Variants in FBN2 observed in about 807,000 individuals in gnomAD.
FBN2 encodes the protein fibrillin-2.
A neutral mutation model predicts 355.6 loss-of-function variants in FBN2; 105 were observed. The observed-to-expected ratio is 0.30, with a 90% CI of 0.25 to 0.35. The LOEUF (loss-of-function observed/expected upper bound fraction) is 0.35. FBN2 is among the 10% of genes least tolerant of loss of function. The pLI is 1.00. For missense variants in FBN2, 3,280 were observed against 3,758.7 expected, an observed-to-expected ratio of 0.87 and a Z score of 3.33; for synonymous variants, 1,350 against 1,301.2, an observed-to-expected ratio of 1.04 and a Z score of -0.81.
At chr5:128,534,766 C>A (rs1285866747) in intron 2 of FBN2, among the ~76,000 whole-genome samples, 1 of 152,220 alleles carries the variant, frequency 6.6e-6, no homozygotes, top group Admixed American at 6.5e-5. Flanking sequence ...GCTCTGCTCT[C>A]TGGAATTCCC....
intron 59 of FBN2, 118 bp from the exon 60 acceptor site, chr5:128,274,801 T>C (rs1581180430): frequency 1.3e-6 from 1 of 751,594 alleles, no homozygotes; most frequent in East Asian, 2.6e-5. Context: ...AGATTTTTGC[T>C]GGAAGCTTCG....
chr5:128,446,126 T>C (rs1754057945), intron 7 of FBN2: 1 of 252,392 alleles, frequency 4.0e-6, no homozygotes, highest in South Asian at 5.1e-5. Context: ...CACATGATAC[T>C]GTATTTCACT....
intron 10 of FBN2, among the ~76,000 whole-genome samples, chr5:128,392,544 C>T (rs1250435910): frequency 6.6e-6 from 1 of 152,162 alleles, no homozygotes; most frequent in Non-Finnish European, 1.5e-5. Flanking sequence ...CAAGAGAGGG[C>T]TTTTAAAAAG....
chr5:128,331,809 A>T (rs1178333272), intron 32 of FBN2, among the ~76,000 whole-genome samples: 2 of 152,286 alleles, frequency 1.3e-5, no homozygotes, highest in South Asian at 2.1e-4. Flanking sequence ...ACACAGCTGA[A>T]TGTCTTGTAT....
intron 5 of FBN2, among the ~76,000 whole-genome samples, chr5:128,492,221 C>T (rs893276147): frequency 1.3e-5 from 2 of 152,108 alleles, no homozygotes; most frequent in African/African-American, 2.4e-5. Context: ...TCTTGCTCTT[C>T]CTTGAATATA....
intron 25 of FBN2, among the ~76,000 whole-genome samples, chr5:128,341,188 G>T (rs1751011398): frequency 6.6e-6 from 1 of 152,188 alleles, no homozygotes; most frequent in Admixed American, 6.5e-5. Flanking sequence ...ATGTGTTAGA[G>T]ACATTAAGCA....
At chr5:128,490,310 A>T (rs1755466310) in intron 5 of FBN2, among the ~76,000 whole-genome samples, 1 of 152,194 alleles carries the variant, frequency 6.6e-6, no homozygotes, top group African/African-American at 2.4e-5. Context: ...ATGGTGAGAG[A>T]TGTCATGAGA....
chr5:128,401,663 C>A (rs983915817), intron 8 of FBN2, among the ~76,000 whole-genome samples: 2 of 152,076 alleles, frequency 1.3e-5, no homozygotes, highest in Non-Finnish European at 2.9e-5. Flanking sequence ...TTGCTGTAGT[C>A]CCAGCTACTT....
rs1749856162 is a variant in FBN2 at position 128,305,837 on chromosome 5, A to C, written c.5534T>G (p.Leu1845Arg). 8 of 1,614,092 alleles carry C rather than the reference A, an allele frequency of 5.0e-6. No individual in the cohort carries two copies. Among genetic ancestry groups the C allele is most frequent in the Non-Finnish European group, 6.8e-6 (8 of 1,179,960 alleles). Reference sequence around the variant, plus strand: ...ATTCAGATTACCTTCACAAACCAACAGCAGGTCATTGTAACTGAATCCTGT... The same window carrying C: ...ATTCAGATTACCTTCACAAACCAACCGCAGGTCATTGTAACTGAATCCTGT... ...CPTGFSYNDL[L>R]LVCEDIDECS... Residue 1845 changes from leucine to arginine, a missense_variant, in exon 43 of 65, where the codon CTG (leucine) becomes CGG (arginine). Leu to Arg is a moderately radical substitution (Grantham distance 102, BLOSUM62 -2). Transcript: ENST00000262464.
chr5:128,473,918 A>G (rs1023889027), intron 5 of FBN2, among the ~76,000 whole-genome samples: 1 of 152,236 alleles, frequency 6.6e-6, no homozygotes, highest in African/African-American at 2.4e-5. Flanking sequence ...CCATCATGTA[A>G]TATTTCAGTG....
At chr5:128,380,027 C>A (rs1010000644) in intron 11 of FBN2, among the ~76,000 whole-genome samples, 4 of 151,944 alleles carry the variant, frequency 2.6e-5, no homozygotes, top group African/African-American at 7.3e-5. Flanking sequence ...GCAATTAAGC[C>A]CCTTCTGGTA....
chr5:128,500,808 AT>A (rs1362284871), intron 5 of FBN2, among the ~76,000 whole-genome samples: 2 of 152,146 alleles, frequency 1.3e-5, no homozygotes, highest in Non-Finnish European at 2.9e-5. Context: ...TTAGTTAAAA[AT>A]TATAGGACTA....
chr5:128,425,096 T>G (rs1753452045), intron 7 of FBN2, among the ~76,000 whole-genome samples: 1 of 152,058 alleles, frequency 6.6e-6, no homozygotes, highest in African/African-American at 2.4e-5. Context: ...TTTGTCACCT[T>G]TTGTTAGTCC....
intron 48 of FBN2, among the ~76,000 whole-genome samples, chr5:128,297,950 G>C (rs1749575838): frequency 6.6e-6 from 1 of 151,474 alleles, no homozygotes; most frequent in Non-Finnish European, 1.5e-5. Flanking sequence ...TTTACATTTT[G>C]GCATGATTTT....
intron 11 of FBN2, among the ~76,000 whole-genome samples, chr5:128,390,089 C>G (rs757849628): frequency 6.6e-6 from 1 of 152,122 alleles, no homozygotes; most frequent in South Asian, 2.1e-4. Flanking sequence ...GATCCTGCTG[C>G]TAGATTGGAT....
intron 6 of FBN2, among the ~76,000 whole-genome samples, chr5:128,456,107 C>A (rs1331088128): frequency 6.7e-6 from 1 of 150,140 alleles, no homozygotes; most frequent in African/African-American, 2.5e-5. Context: ...TTTTCCCCTG[C>A]TGGAGCCAGG....
chr5:128,383,566 T>C (rs1455313495), intron 11 of FBN2, among the ~76,000 whole-genome samples: 1 of 152,222 alleles, frequency 6.6e-6, no homozygotes, highest in Non-Finnish European at 1.5e-5. Context: ...GTAAATCATA[T>C]ATTTGATAAG....
At chr5:128,454,153 G>T (rs1042305649) in intron 6 of FBN2, among the ~76,000 whole-genome samples, 25 of 152,188 alleles carry the variant, frequency 1.6e-4, no homozygotes, top group South Asian at 4.1e-4. Context: ...GACACTCAGA[G>T]TAAATGCTTA....
chr5:128,279,131 C>T (rs1316860810), intron 56 of FBN2, among the ~76,000 whole-genome samples: 4 of 152,038 alleles, frequency 2.6e-5, no homozygotes, highest in South Asian at 2.1e-4. Context: ...CTGTAGAATA[C>T]AAGTGAAAGG....
Sources: gnomAD v4.1 joint callset for allele counts (sites outside exome capture counted in the v4.1 genomes callset) on GRCh38, gnomAD v4.1.1 for gene constraint, MANE v1.5 for transcripts, NCBI Gene and HGNC (gene_info 2026-07-23, HGNC 2026-07-21) for gene names.